Variants in PITPNM3 observed in about 807,000 individuals in gnomAD.
PITPNM3 encodes the protein PITPNM family member 3.
Under a neutral mutation model 102.0 loss-of-function variants are expected in PITPNM3, and 26 were observed. That is an observed-to-expected ratio of 0.25 (90% CI 0.19 to 0.35). The LOEUF is 0.35. PITPNM3 is among the 10% of genes least tolerant of loss of function. The probability of loss-of-function intolerance (pLI) is 1.00; values close to 1 mark genes in which losing one functional copy is unlikely to be tolerated. For synonymous variants in PITPNM3, 578 were observed against 558.6 expected, an observed-to-expected ratio of 1.03 and a Z score of -0.49; for missense variants, 1,083 against 1,346.1, an observed-to-expected ratio of 0.80 and a Z score of 3.06.
rs1262347751 is a variant in PITPNM3 at position 6,468,860 on chromosome 17, T to C, written c.1774-519A>G. ...TCTCCAGTGACCGCCACATCCCTGC[T>C]GTCCCTCACAGCAGCACTGACAGAG... On this transcript the variant is annotated intron_variant, in intron 13 of 19. Coordinates refer to ENST00000262483, the MANE Select transcript of PITPNM3 (RefSeq NM_031220.4). This position sits in a 1 kb window ranked among gnomAD's most constrained non-coding sequence, Gnocchi z 5.2. Among the ~76,000 whole-genome samples the C allele has an allele frequency of 6.6e-6, 1 of 152,166 alleles. No individual in the cohort carries two copies. Among genetic ancestry groups the C allele is most frequent in the Non-Finnish European group, 1.5e-5 (1 of 68,022 alleles).
In PITPNM3 at chr17:6,517,309, C is replaced by T. The variant is rs374913298; in HGVS notation, c.226+8047G>A. On this transcript the variant is annotated intron_variant, in intron 3 of 19. Coordinates refer to ENST00000262483, the MANE Select transcript of PITPNM3 (RefSeq NM_031220.4). The surrounding 1 kb of genome is among the most constrained non-coding windows in gnomAD (Gnocchi z 4.1). ...TAGAATGAGAAGGAGGGGGAGGTGG[C>T]GGAGGAGTTGTCACTGCCAAAGCCA... 2.0e-5 allele frequency among the ~76,000 whole-genome samples: 3 copies of T among 152,200 alleles called. No homozygotes were observed. The highest frequency in any genetic ancestry group is 7.2e-5 in the African/African-American group (3 of 41,548).
In PITPNM3 at chr17:6,463,739, C is replaced by T. The variant is rs1214498440; in HGVS notation, c.2299G>A (p.Val767Ile). 3 of 1,611,376 alleles carry T rather than the reference C, an allele frequency of 1.9e-6. No individual in the cohort carries two copies. Among genetic ancestry groups the T allele is most frequent in the Admixed American group, 1.7e-5 (1 of 59,938 alleles). The change falls in exon 17 of 20, where the codon GTT becomes ATT. Residue 767 changes from valine (V) to isoleucine (I), a missense_variant. By Grantham distance (29) the Val-to-Ile change is conservative. Coordinates refer to ENST00000262483, the MANE Select transcript of PITPNM3 (RefSeq NM_031220.4). ...GTGGAAGGTGGCACTCACCGGACAA[C>T]ATCCACTGCACCCGGCCGGACCTTG... The part of the protein sequence containing the change: ...DPKVRPGAVD[V>I]VRHWQDLGYM...
At chr17:6,463,372 A>G (rs55934326) in intron 17 of PITPNM3, among the ~76,000 whole-genome samples, 29,122 of 127,044 alleles carry the variant, frequency 0.23, 4,301 homozygotes, top group African/African-American at 0.43. Flanking sequence ...CACACAGCCC[A>G]GCCACAGGGG....
intron 1 of PITPNM3, among the ~76,000 whole-genome samples, chr17:6,542,568 A>C (rs1283844711): frequency 6.6e-6 from 1 of 152,236 alleles, no homozygotes; most frequent in Non-Finnish European, 1.5e-5. Flanking sequence ...TGGCTAATCT[A>C]GGACCTGAAG....
chr17:6,541,707 G>A (rs1909742231), intron 1 of PITPNM3, among the ~76,000 whole-genome samples: 1 of 152,134 alleles, frequency 6.6e-6, no homozygotes, highest in Non-Finnish European at 1.5e-5. Context: ...AGTCACAGCA[G>A]GTGGGCATGA....
In PITPNM3 at chr17:6,469,617, C is replaced by G. The variant is rs138682935; in HGVS notation, c.1773+643G>C. Among the ~76,000 whole-genome samples, 3 of 152,218 alleles carry G rather than the reference C, an allele frequency of 2.0e-5. No homozygotes were observed. Among genetic ancestry groups the G allele is most frequent in the Non-Finnish European group, 4.4e-5 (3 of 68,044 alleles). ...TTGCCACTCTGTGGCACCTCCACCC[C>G]CTGTCCTACTCCAAGCCTCCTCTCT... On this transcript the variant is annotated intron_variant, in intron 13 of 19. Transcript: ENST00000262483. This position sits in a 1 kb window ranked among gnomAD's most constrained non-coding sequence, Gnocchi z 4.0.
At chr17:6,504,321 C>A (rs895773346) in intron 3 of PITPNM3, among the ~76,000 whole-genome samples, 1 of 152,144 alleles carries the variant, frequency 6.6e-6, no homozygotes, top group Non-Finnish European at 1.5e-5. Flanking sequence ...CCTCTCCTGA[C>A]CCCATGCCTG....
chr17:6,451,892 C>CCCA lies in PITPNM3; in HGVS notation c.*3445_*3446insTGG, dbSNP rs55984944. ...ACCCAAACCCCCCCCCCCCGCCCGC[C>CCCA]GATGGGATTCGGTGGGAAAGTTGGT... On this transcript the variant is annotated 3_prime_UTR_variant, in exon 20 of 20. Transcript: ENST00000262483. 241 of 94,376 alleles carry CCCA rather than the reference C, an allele frequency of 2.6e-3. 2 individuals are homozygous for CCCA. Among genetic ancestry groups the CCCA allele is most frequent in the African/African-American group, 3.9e-3 (92 of 23,814 alleles). 5.8% of individuals were successfully genotyped at this position (94,376 alleles called of 1,614,324 possible). A position where few individuals can be genotyped will look rare whatever the true frequency, so the allele number is the denominator to read the frequency against.
Position 6,464,650 on chromosome 17 carries a change from G to T in PITPNM3, c.2007+5C>A. 6.2e-7 allele frequency: 1 copy of T among 1,612,816 alleles called. No homozygotes were observed. On this transcript the variant is annotated splice_donor_5th_base_variant and intron_variant, in intron 15 of 19. Coordinates refer to ENST00000262483, the MANE Select transcript of PITPNM3 (RefSeq NM_031220.4). ...GCTGAGGAGGGGAGGCCCAGCCCCA[G>T]GTACCTTCTCTCCAGTCAGAGCCAC... is the stretch of plus-strand genomic sequence containing the variant.
Position 6,452,051 on chromosome 17 carries a change from A to C in PITPNM3, c.*3287T>G, listed in dbSNP as rs915283788. On this transcript the variant is annotated 3_prime_UTR_variant, in exon 20 of 20. Transcript: ENST00000262483. ...ATGGGTCCCAAAGGGGTAAAAATAC[A>C]GTTTAAAAACCGTGAGATCCAGCCT... is the stretch of plus-strand genomic sequence containing the variant. The C allele has an allele frequency of 1.3e-5, 2 of 152,146 alleles. No homozygotes were observed. The highest frequency in any genetic ancestry group is 2.9e-5 in the Non-Finnish European group (2 of 68,036). 9.4% of individuals were successfully genotyped at this position (152,146 alleles called of 1,614,324 possible). A position where few individuals can be genotyped will look rare whatever the true frequency, so the allele number is the denominator to read the frequency against.
At chr17:6,510,197 C>T (rs182204909) in intron 3 of PITPNM3, among the ~76,000 whole-genome samples, 68 of 152,322 alleles carry the variant, frequency 4.5e-4, no homozygotes, top group Admixed American at 1.2e-3. Flanking sequence ...TGTCATCTCA[C>T]TATTCTTTTA....
intron 4 of PITPNM3, among the ~76,000 whole-genome samples, chr17:6,500,550 AT>A (rs754147912): frequency 1.6e-4 from 25 of 152,200 alleles, no homozygotes; most frequent in Non-Finnish European, 3.5e-4. Context: ...TCACAGTATT[AT>A]TGTTTTTCTC....
rs757737539 is a variant in PITPNM3, at chr17:6,538,079, C to A, written c.26G>T (p.Gly9Val). ...GGGGGCACCGCCGCCCGGGGGAGGA[C>A]CACCTGTTAAAGGGAACACATCTGT... MAKAGRAGGPPPGGGAPWH... is the reference protein window; with the variant it reads MAKAGRAGVPPPGGGAPWH... The change falls in exon 2 of 20, where the codon GGT becomes GTT. Residue 9 changes from glycine (G) to valine (V), a missense_variant. This residue lies in a region of PITPNM3 where 290 missense variants were observed against 337.8 expected (regional missense o/e 0.86). Transcript: ENST00000262483. The A allele has an allele frequency of 1.2e-6, 2 of 1,608,074 alleles. No individual in the cohort carries two copies. The highest frequency in any genetic ancestry group is 1.7e-6 in the Non-Finnish European group (2 of 1,174,730).
chr17:6,551,201 C>G lies in PITPNM3; in HGVS notation c.22+5184G>C, dbSNP rs1567699143. ...TGAAACCCCGTGTCTACTAAAAATA[C>G]AAAAAATTAGCCGGGCATGGTGGCA... is the stretch of plus-strand genomic sequence containing the variant. On this transcript the variant is annotated intron_variant, in intron 1 of 19. Coordinates refer to ENST00000262483, the MANE Select transcript of PITPNM3 (RefSeq NM_031220.4). Among the ~76,000 whole-genome samples the G allele has an allele frequency of 2.0e-5, 3 of 152,114 alleles. No homozygotes were observed. The South Asian group carries it at 6.2e-4, about 32-fold the overall frequency.
rs1905492340 is a variant in PITPNM3, at chr17:6,478,913, G to A, written c.588-177C>T. 2 of 644,972 alleles carry A rather than the reference G, an allele frequency of 3.1e-6. No homozygotes were observed. The highest frequency in any genetic ancestry group is 5.3e-6 in the Non-Finnish European group (2 of 377,598). 40.0% of individuals were successfully genotyped at this position (644,972 alleles called of 1,614,324 possible). On this transcript the variant is annotated intron_variant, in intron 6 of 19. Coordinates refer to ENST00000262483, the MANE Select transcript of PITPNM3 (RefSeq NM_031220.4). This position sits in a 1 kb window ranked among gnomAD's most constrained non-coding sequence, Gnocchi z 4.4. ...AGCACAGGCAGTGTGGGGAGGAGAG[G>A]GGAAGAGGATTCAAGCCTACACTGA...
intron 6 of PITPNM3, chr17:6,481,514 G>C (rs1905669829): frequency 6.6e-6 from 1 of 152,184 alleles, no homozygotes; most frequent in African/African-American, 2.4e-5. Context: ...GTACAGATTA[G>C]GAAATTGAGA....
chr17:6,511,336 T>A (rs760869907), intron 3 of PITPNM3, among the ~76,000 whole-genome samples: 15 of 152,226 alleles, frequency 9.9e-5, no homozygotes, highest in Non-Finnish European at 5.9e-5. Context: ...CACGATCTAG[T>A]CTTTTTCTCC....
At chr17:6,509,247 C>T (rs1482009139) in intron 3 of PITPNM3, among the ~76,000 whole-genome samples, 3 of 152,172 alleles carry the variant, frequency 2.0e-5, no homozygotes, top group African/African-American at 2.4e-5. Flanking sequence ...TATAACTCTT[C>T]TTCCAATCCC....
At chr17:6,535,940 T>C (rs1909396064) in intron 2 of PITPNM3, among the ~76,000 whole-genome samples, 1 of 151,636 alleles carries the variant, frequency 6.6e-6, no homozygotes, top group Admixed American at 6.6e-5. Context: ...GGCACATGCC[T>C]GTAATCCCAG....
Sources: gnomAD v4.1 joint callset for allele counts (sites outside exome capture counted in the v4.1 genomes callset) on GRCh38, gnomAD v4.1.1 for gene constraint, gnomAD v4.1.1 regional missense constraint, Gnocchi (gnomAD v3.1) non-coding constraint, MANE v1.5 for transcripts, NCBI Gene and HGNC (gene_info 2026-07-23, HGNC 2026-07-21) for gene names.